Variants in AGBL1 observed in about 807,000 individuals in gnomAD.
AGBL1 encodes cytosolic carboxypeptidase 4.
A neutral mutation model predicts 118.9 loss-of-function variants in AGBL1; 130 were observed. The ratio of observed to expected loss-of-function variants is 1.09; its 90% CI spans 0.95 to 1.26. AGBL1 has a LOEUF of 1.26. Among genes scored for constraint, AGBL1 ranks in the 50% most tolerant of loss-of-function variants. The pLI is 0.00. For missense variants in AGBL1, 1,584 were observed against 1,298.1 expected, an observed-to-expected ratio of 1.22 and a Z score of -3.38; for synonymous variants, 555 against 478.9, an observed-to-expected ratio of 1.16 and a Z score of -2.08.
At chr15:86,215,987 A>C (rs1759994702) in intron 5 of AGBL1, among the ~76,000 whole-genome samples, 3 of 152,220 alleles carry the variant, frequency 2.0e-5, no homozygotes, top group Non-Finnish European at 4.4e-5. Flanking sequence ...TAAATTGATT[A>C]CCAGGAATTG....
intron 17 of AGBL1, among the ~76,000 whole-genome samples, chr15:86,392,642 T>G (rs528616824): frequency 6.6e-6 from 1 of 152,276 alleles, no homozygotes; most frequent in Admixed American, 6.5e-5. Context: ...ATGTCTTCAG[T>G]TTTTACTCAA....
chr15:86,996,580 C>T (rs935395345), intron 24 of AGBL1, among the ~76,000 whole-genome samples: 1 of 152,126 alleles, frequency 6.6e-6, no homozygotes, highest in Admixed American at 6.5e-5. Flanking sequence ...CCAGCCTGGG[C>T]AACAGAGCAA....
intron 9 of AGBL1, among the ~76,000 whole-genome samples, chr15:86,260,211 G>A (rs1348784982): frequency 6.6e-6 from 1 of 152,214 alleles, no homozygotes; most frequent in Non-Finnish European, 1.5e-5. Context: ...AGCATTTGCT[G>A]CCAGAGGCGT....
At chr15:86,298,485 C>T (rs965948802) in intron 17 of AGBL1, among the ~76,000 whole-genome samples, 7 of 151,270 alleles carry the variant, frequency 4.6e-5, no homozygotes, top group Middle Eastern at 3.4e-3. Context: ...GTGCAAATAA[C>T]CATGCCTGTA....
At chr15:86,939,853 G>T (rs919759057) in intron 23 of AGBL1, 1 of 150,402 alleles carries the variant, frequency 6.6e-6, no homozygotes, top group Non-Finnish European at 1.5e-5. Flanking sequence ...GATAACCATG[G>T]GAGAGAATAG....
intron 9 of AGBL1, among the ~76,000 whole-genome samples, chr15:86,258,571 A>T (rs1345033319): frequency 2.0e-5 from 3 of 152,220 alleles, no homozygotes; most frequent in African/African-American, 7.2e-5. Context: ...AGGTTGGTGA[A>T]CTTCCTATAA....
At chr15:86,694,663 T>G (rs1338537958) in intron 22 of AGBL1, among the ~76,000 whole-genome samples, 1 of 152,098 alleles carries the variant, frequency 6.6e-6, no homozygotes, top group Non-Finnish European at 1.5e-5. Flanking sequence ...TGGTAATTCT[T>G]GTCTTTTCCA....
intron 15 of AGBL1, among the ~76,000 whole-genome samples, 187 bp downstream of exon 15, chr15:86,271,893 G>T (rs959578186): frequency 6.6e-6 from 1 of 152,214 alleles, no homozygotes; most frequent in South Asian, 2.1e-4. Flanking sequence ...ACGCACAGTA[G>T]ACCTCGAGAA....
chr15:86,096,135 C>G (rs1306650354), intron 1 of AGBL1, among the ~76,000 whole-genome samples: 1 of 151,904 alleles, frequency 6.6e-6, no homozygotes, highest in Non-Finnish European at 1.5e-5. Flanking sequence ...TAAGGTGAAA[C>G]TTTTTATATA....
Position 86,827,498 on chromosome 15 carries a change from T to C in AGBL1, c.3159-79589T>C, listed in dbSNP as rs111572175. Among the ~76,000 whole-genome samples, 45 of 42,774 alleles carry C rather than the reference T, an allele frequency of 1.1e-3. 6 individuals carry two copies. Among genetic ancestry groups the C allele is most frequent in the East Asian group, 5.5e-3 (6 of 1,082 alleles). The allele number at this position is 42,774 out of a possible 152,430, so 28.1% of individuals were successfully genotyped here. A position where few individuals can be genotyped will look rare whatever the true frequency, so the allele number is the denominator to read the frequency against. ...ATATATATATATGTGTGTATATATA[T>C]ATATATATATATATATATATATAGC... is the stretch of plus-strand genomic sequence containing the variant. On this transcript the variant is annotated intron_variant, in intron 22 of 22. Transcript: ENST00000614907.
chr15:86,346,325 A>G lies in AGBL1; in HGVS notation c.2374+50917A>G, dbSNP rs992799381. On this transcript the variant is annotated intron_variant, in intron 17 of 22. Transcript: ENST00000614907. ...AAAGTACTTAGTTGATATAGGATAT[A>G]AGCTCATTCTTTCTTTTCTTTTCTT... 5.3e-5 allele frequency among the ~76,000 whole-genome samples: 8 copies of G among 150,610 alleles called. No individual in the cohort carries two copies. In the East Asian group the frequency reaches 1.6e-3, roughly 30 times the overall value.
chr15:86,528,513 T>C (rs1250308973), intron 19 of AGBL1, among the ~76,000 whole-genome samples: 29 of 150,152 alleles, frequency 1.9e-4, no homozygotes, highest in East Asian at 1.0e-3. Flanking sequence ...AACTGCAAGG[T>C]GGCAGCGAGG....
chr15:86,985,635 A>G (rs1032782942), intron 23 of AGBL1, among the ~76,000 whole-genome samples: 1 of 130,414 alleles, frequency 7.7e-6, no homozygotes, highest in Non-Finnish European at 1.7e-5. Context: ...TTTTTTTTTT[A>G]TCAGATTTGT....
rs887976858 is a variant in AGBL1, at chr15:86,575,752, G to T, written c.2994+21215G>T. On this transcript the variant is annotated intron_variant, in intron 21 of 22. Transcript: ENST00000614907. ...CTACAGGTACACACCACCACATCTG[G>T]CTTATTTATTGAAAAAAAAATTTCT... 4.6e-5 allele frequency among the ~76,000 whole-genome samples: 7 copies of T among 151,860 alleles called. No homozygotes were observed. In the South Asian group the frequency reaches 1.3e-3, roughly 27 times the overall value.
intron 18 of AGBL1, among the ~76,000 whole-genome samples, chr15:86,415,162 G>C (rs28583510): frequency 0.38 from 57,536 of 151,980 alleles, 11,407 homozygotes; most frequent in East Asian, 0.68. Context: ...AAGGCAAGTG[G>C]ACTGAGCCTT....
At chr15:86,535,632 A>T (rs1256862076) in intron 19 of AGBL1, among the ~76,000 whole-genome samples, 1 of 152,198 alleles carries the variant, frequency 6.6e-6, no homozygotes, top group Non-Finnish European at 1.5e-5. Context: ...CTTCTGCCAG[A>T]GGACAGGGTG....
At position 86,546,092 on chromosome 15, in the gene AGBL1, A is replaced by G. The variant is rs1325216795; in HGVS notation, c.2776A>G (p.Thr926Ala). ...IKETLWQAAC[T>A]VGTSTILEEV... ...GGAAACCTTGTGGCAAGCAGCATGC[A>G]CTGTGGGCACATCTACTATCCTAGA... Residue 926 changes from threonine (T) to alanine (A), a missense_variant, in exon 20 of 23, where the codon ACT (threonine) becomes GCT (alanine). Transcript: ENST00000614907. 1.2e-6 allele frequency: 2 copies of G among 1,613,484 alleles called. No individual in the cohort carries two copies. The highest frequency in any genetic ancestry group is 1.7e-6 in the Non-Finnish European group (2 of 1,179,588).
intron 21 of AGBL1, among the ~76,000 whole-genome samples, chr15:86,667,362 A>AG (rs2085665872): frequency 6.6e-6 from 1 of 152,036 alleles, no homozygotes. Context: ...ATATTATAAA[A>AG]TAAATTATGA....
intron 23 of AGBL1, among the ~76,000 whole-genome samples, chr15:86,943,923 T>TA (rs1194710413): frequency 1.3e-5 from 2 of 152,236 alleles, no homozygotes; most frequent in East Asian, 3.9e-4. Context: ...GGCCCAAACC[T>TA]AACTTCAAGG....
Sources: allele counts gnomAD v4.1 joint callset (sites outside exome capture counted in the v4.1 genomes callset), GRCh38; gene constraint gnomAD v4.1.1; transcripts MANE v1.5; gene names NCBI Gene and HGNC (gene_info 2026-07-23, HGNC 2026-07-21).